TAS2R1: variants seen among roughly 807,000 people sequenced by gnomAD.
TAS2R1 encodes taste 2 receptor member 1.
For missense variants in TAS2R1, 370 were observed against 353.4 expected, an observed-to-expected ratio of 1.05 and a Z score of -0.38; for synonymous variants, 141 against 134.2, an observed-to-expected ratio of 1.05 and a Z score of -0.35.
chr5:9,855,094 A>T, the TAS2R1 span, among the ~76,000 whole-genome samples: 1 of 152,344 alleles, frequency 6.6e-6, no homozygotes, highest in Admixed American at 6.5e-5. Context: ...ATGGGTGTTT[A>T]CAGTGTACCT....
chr5:9,849,635 T>G, the TAS2R1 span, among the ~76,000 whole-genome samples: 1 of 152,150 alleles, frequency 6.6e-6, no homozygotes, highest in Non-Finnish European at 1.5e-5. Context: ...TCCTGTAGCT[T>G]TGCCCTTATC....
At chr5:9,630,393 A>C (rs1168464077), upstream of TAS2R1, 1 of 179,310 alleles carries the variant, frequency 5.6e-6, no homozygotes, top group Non-Finnish European at 1.3e-5. Context: ...TCAATTCTTC[A>C]TCTCTACTAT....
In TAS2R1 at chr5:9,670,460, T is replaced by G. The variant is rs777443038; in HGVS notation, c.-241-10879A>C. ...GTTTCTGTATCTTACTACTGTTTTCTGTATATCATTTTCCTTGTTCTGTCT... is the reference window on the plus strand; with the variant it reads ...GTTTCTGTATCTTACTACTGTTTTCGGTATATCATTTTCCTTGTTCTGTCT... On this transcript the variant is annotated intron_variant, in intron 1 of 2. Coordinates refer to the TAS2R1 transcript ENST00000506620. 1.2e-3 allele frequency among the ~76,000 whole-genome samples: 189 copies of G among 152,344 alleles called. 2 individuals are homozygous for G. Among genetic ancestry groups the G allele is most frequent in the Non-Finnish European group, 3.5e-4 (24 of 68,030 alleles).
chr5:9,698,217 C>T (rs997973087), intron 1 of TAS2R1, among the ~76,000 whole-genome samples: 1 of 152,162 alleles, frequency 6.6e-6, no homozygotes, highest in African/African-American at 2.4e-5. Context: ...CCATTTTCCT[C>T]AGTGAATATG....
upstream of TAS2R1, among the ~76,000 whole-genome samples, chr5:9,715,774 C>T (rs969610721): frequency 6.6e-6 from 1 of 152,212 alleles, no homozygotes; most frequent in Non-Finnish European, 1.5e-5. Context: ...CAGTGAATCT[C>T]CTCTTACAAA....
the TAS2R1 span, among the ~76,000 whole-genome samples, chr5:9,864,669 A>G: frequency 1.3e-5 from 2 of 150,002 alleles, no homozygotes; most frequent in Admixed American, 1.3e-4. Context: ...GCCTATCACC[A>G]TAGGCTACTT....
Position 9,710,923 on chromosome 5 carries a change from TTA to T in TAS2R1, c.-242+1247_-242+1248del, listed in dbSNP as rs896615794. The stretch of plus-strand genomic sequence containing the variant: ...TATATATATAACCAGATTATATATA[TTA>T]TATATATAATATATTATATATAATA... On this transcript the variant is annotated intron_variant, in intron 1 of 2. Transcript: ENST00000506620. Among the ~76,000 whole-genome samples, 116 of 146,056 alleles carry T rather than the reference TTA, an allele frequency of 7.9e-4. 1 individual carries two copies. The highest frequency in any genetic ancestry group is 2.7e-3 in the African/African-American group (106 of 39,994).
the TAS2R1 span, among the ~76,000 whole-genome samples, chr5:9,735,523 C>T: frequency 6.6e-6 from 1 of 151,388 alleles, no homozygotes; most frequent in Non-Finnish European, 1.5e-5. Flanking sequence ...TCAAACAAAA[C>T]CCCCTACAAT....
chr5:9,738,229 A>G, the TAS2R1 span, among the ~76,000 whole-genome samples: 1 of 152,136 alleles, frequency 6.6e-6, no homozygotes, highest in Non-Finnish European at 1.5e-5. Context: ...ATTACCACCC[A>G]TTCTCAGAGT....
At chr5:9,827,775 G>T in the TAS2R1 span, among the ~76,000 whole-genome samples, 151 of 152,202 alleles carry the variant, frequency 9.9e-4, no homozygotes, top group African/African-American at 3.5e-3. Flanking sequence ...AGAGACAGAA[G>T]GAGACCTTCT....
the TAS2R1 span, among the ~76,000 whole-genome samples, chr5:9,842,454 G>A: frequency 1.3e-5 from 2 of 151,440 alleles, no homozygotes; most frequent in African/African-American, 2.4e-5. Flanking sequence ...CAGAGTAGCT[G>A]GAACTACAAG....
chr5:9,805,382 C>T, the TAS2R1 span, among the ~76,000 whole-genome samples: 1 of 152,048 alleles, frequency 6.6e-6, no homozygotes, highest in Non-Finnish European at 1.5e-5. Context: ...GAAATTCTCC[C>T]TAAATCATTC....
At chr5:9,883,195 G>A in the TAS2R1 span, 6 of 152,210 alleles carry the variant, frequency 3.9e-5, no homozygotes, top group African/African-American at 1.4e-4. Context: ...TGGGCACAAG[G>A]AGGGGAATGA....
intron 1 of TAS2R1, among the ~76,000 whole-genome samples, chr5:9,663,505 G>T (rs1740575897): frequency 6.6e-6 from 1 of 152,142 alleles, no homozygotes; most frequent in Non-Finnish European, 1.5e-5. Context: ...TCATGTAGAA[G>T]ATTATACTAA....
intron 1 of TAS2R1, among the ~76,000 whole-genome samples, chr5:9,709,129 C>T (rs960453446): frequency 2.0e-5 from 3 of 148,962 alleles, no homozygotes; most frequent in African/African-American, 7.4e-5. Flanking sequence ...CACCATGGCA[C>T]ATGTATACCT....
the TAS2R1 span, among the ~76,000 whole-genome samples, chr5:9,755,209 G>A: frequency 2.2e-4 from 33 of 152,246 alleles, no homozygotes; most frequent in Middle Eastern, 3.4e-3. Context: ...TCCAGACTCC[G>A]AGAGAGTAGT....
the TAS2R1 span, among the ~76,000 whole-genome samples, chr5:9,782,694 C>T: frequency 1.3e-5 from 2 of 152,200 alleles, no homozygotes; most frequent in Admixed American, 6.5e-5. Flanking sequence ...GAATTTCAAC[C>T]TACCTCATCT....
chr5:9,686,631 A>G (rs1741129300), intron 1 of TAS2R1, among the ~76,000 whole-genome samples: 1 of 152,210 alleles, frequency 6.6e-6, no homozygotes, highest in Admixed American at 6.5e-5. Flanking sequence ...GTGGGCAGAA[A>G]GAAGGAAACA....
the TAS2R1 span, among the ~76,000 whole-genome samples, chr5:9,736,377 C>T: frequency 6.6e-6 from 1 of 152,324 alleles, no homozygotes; most frequent in Non-Finnish European, 1.5e-5. Flanking sequence ...GCTCAGTGTC[C>T]AACCACAAGC....
Sources: allele counts gnomAD v4.1 joint callset (sites outside exome capture counted in the v4.1 genomes callset), GRCh38; gene constraint gnomAD v4.1.1; transcripts MANE v1.5; gene names NCBI Gene and HGNC (gene_info 2026-07-23, HGNC 2026-07-21).